USP50: variants seen among roughly 807,000 people sequenced by gnomAD.
The protein encoded by USP50 is ubiquitin specific peptidase 50, also known as ubiquitin carboxyl-terminal hydrolase 50.
USP50 carries 37 observed loss-of-function variants against 39.2 expected under a neutral mutation model. That is an observed-to-expected ratio of 0.94 (90% CI 0.73 to 1.24). USP50 has a LOEUF of 1.24. Ranked by LOEUF, USP50 falls within the 50% of genes most tolerant of loss-of-function variation. The pLI is 0.00. For synonymous variants in USP50, 139 were observed against 144.5 expected (o/e 0.96, Z 0.27); for missense variants, 374 against 398.2 (o/e 0.94, Z 0.52).
At position 50,500,682 on chromosome 15, in the gene USP50, G is replaced by A; in HGVS notation, c.*87C>T. 2.3e-6 allele frequency: 3 copies of A among 1,316,008 alleles called. No homozygotes were observed. The highest frequency in any genetic ancestry group is 3.2e-6 in the Non-Finnish European group (3 of 935,590). The allele number at this position is 1,316,008 out of a possible 1,614,324, so 81.5% of individuals were successfully genotyped here. On this transcript the variant is annotated 3_prime_UTR_variant, in exon 7 of 7. Transcript: ENST00000532404. ...AACGCTTTTGTATTGGTATGGAAAAGGGCTGGCAGCTATAGAACAGGAGAT... is the reference window on the plus strand; with the variant it reads ...AACGCTTTTGTATTGGTATGGAAAAAGGCTGGCAGCTATAGAACAGGAGAT...
chr15:50,499,428 TC>T (rs2052534608), downstream of USP50: 1 of 171,918 alleles, frequency 5.8e-6, no homozygotes, highest in Non-Finnish European at 1.2e-5. Context: ...TTTTCACATT[TC>T]TAAATCCCAT....
At chr15:50,521,043 T>TTTTG (rs1039063462) in intron 6 of USP50, among the ~76,000 whole-genome samples, 1 of 152,136 alleles carries the variant, frequency 6.6e-6, no homozygotes, top group Non-Finnish European at 1.5e-5. Flanking sequence ...AATTTGGTTC[T>TTTTG]TTTGTTTGTT....
chr15:50,505,177 A>G (rs2052642187), intron 6 of USP50: 1 of 152,146 alleles, frequency 6.6e-6, no homozygotes, highest in African/African-American at 2.4e-5. Flanking sequence ...GCTGAAAATG[A>G]TTAATGAGAC....
chr15:50,502,628 C>T (rs1291670164), intron 6 of USP50: 2 of 152,202 alleles, frequency 1.3e-5, no homozygotes, highest in Non-Finnish European at 2.9e-5. Flanking sequence ...CCTCCACCTC[C>T]CAAAGTGCTG....
chr15:50,515,989 G>T (rs1596009503), intron 6 of USP50, among the ~76,000 whole-genome samples: 1 of 152,140 alleles, frequency 6.6e-6, no homozygotes, highest in African/African-American at 2.4e-5. Context: ...ACAAAAATAT[G>T]TAAATTTTGA....
intron 5 of USP50, among the ~76,000 whole-genome samples, chr15:50,534,897 T>C (rs2052967756): frequency 6.6e-6 from 1 of 152,126 alleles, no homozygotes; most frequent in South Asian, 2.1e-4. Flanking sequence ...TCCCAGCATT[T>C]TGGGAGGCCG....
downstream of USP50, chr15:50,497,373 A>C: frequency 9.6e-7 from 1 of 1,043,572 alleles, no homozygotes; most frequent in Non-Finnish European, 1.3e-6. Flanking sequence ...TAGGGAAATA[A>C]AGCAGAAATG....
At chr15:50,522,404 C>G (rs1225053387) in intron 6 of USP50, among the ~76,000 whole-genome samples, 2 of 152,158 alleles carry the variant, frequency 1.3e-5, no homozygotes, top group Non-Finnish European at 2.9e-5. Flanking sequence ...GTAATAAAGT[C>G]TCCCATCAAA....
intron 6 of USP50, 97 bp downstream of exon 6, chr15:50,529,700 A>G (rs1007098553): frequency 7.2e-7 from 1 of 1,381,456 alleles, no homozygotes; most frequent in South Asian, 1.5e-5. Flanking sequence ...AAAGTAGGGC[A>G]TAAGCCAGGG....
chr15:50,496,031 G>A, downstream of USP50: 1 of 1,613,930 alleles, frequency 6.2e-7, no homozygotes, highest in South Asian at 1.1e-5. Context: ...GACATTTGAG[G>A]CCTTCATGTA....
intron 6 of USP50, among the ~76,000 whole-genome samples, chr15:50,514,674 G>A (rs147965982): frequency 7.2e-5 from 11 of 152,050 alleles, no homozygotes; most frequent in African/African-American, 1.7e-4. Context: ...GATTACAGGC[G>A]CATGCCACCA....
chr15:50,512,791 C>G (rs1272365477), intron 6 of USP50: 1 of 143,428 alleles, frequency 7.0e-6, no homozygotes, highest in East Asian at 2.6e-4. Flanking sequence ...GACTCTGTCT[C>G]AAAAACAAAC....
In USP50 at chr15:50,500,628, G is replaced by A; in HGVS notation, c.*141C>T. On this transcript the variant is annotated 3_prime_UTR_variant, in exon 7 of 7. Coordinates refer to ENST00000532404, the MANE Select transcript of USP50 (RefSeq NM_203494.5). ...AGATGCTGACTGCTTGTTTTGCAGT[G>A]TTCAGGAAACACCATTTTCCTGGCT... The A allele has an allele frequency of 2.7e-6, 2 of 744,460 alleles. No homozygotes were observed. Among genetic ancestry groups the A allele is most frequent in the Non-Finnish European group, 4.5e-6 (2 of 446,284 alleles). 46.1% of individuals were successfully genotyped at this position (744,460 alleles called of 1,614,324 possible).
At chr15:50,494,558 A>G (rs764369365) in intron 1 of USP50, among the ~76,000 whole-genome samples, 5 of 152,252 alleles carry the variant, frequency 3.3e-5, no homozygotes, top group Non-Finnish European at 7.3e-5. Flanking sequence ...GTAAAATCAT[A>G]AACAAATGAT....
chr15:50,538,667 C>G (rs979741227), intron 5 of USP50, 42 bp downstream of exon 5: 6 of 1,533,018 alleles, frequency 3.9e-6, no homozygotes, highest in Non-Finnish European at 5.3e-6. Context: ...CTCTATAAGG[C>G]TGTTCGAAAA....
downstream of USP50, chr15:50,493,916 A>G (rs1452879698): frequency 2.2e-6 from 2 of 929,544 alleles, no homozygotes; most frequent in Non-Finnish European, 3.5e-6. Context: ...TCAGATTCAG[A>G]TGAGAATCTG....
intron 3 of USP50, among the ~76,000 whole-genome samples, chr15:50,543,278 G>T (rs2053044255): frequency 6.6e-6 from 1 of 151,044 alleles, no homozygotes; most frequent in East Asian, 1.9e-4. Context: ...ACAAAGAAAA[G>T]TAGATTAGTG....
At chr15:50,533,141 C>G (rs2052954335) in intron 5 of USP50, among the ~76,000 whole-genome samples, 1 of 150,944 alleles carries the variant, frequency 6.6e-6, no homozygotes, top group Admixed American at 6.6e-5. Flanking sequence ...GCCCCTCCCC[C>G]TGCCCCCACC....
At chr15:50,537,448 G>A (rs1043790108) in intron 5 of USP50, among the ~76,000 whole-genome samples, 24 of 151,646 alleles carry the variant, frequency 1.6e-4, no homozygotes, top group African/African-American at 5.6e-4. Context: ...TTGATAAGCT[G>A]GACTCCATTA....
Sources: allele counts gnomAD v4.1 joint callset (sites outside exome capture counted in the v4.1 genomes callset), GRCh38; gene constraint gnomAD v4.1.1; transcripts MANE v1.5; gene names NCBI Gene and HGNC (gene_info 2026-07-23, HGNC 2026-07-21).